TSPAN13: variants seen among roughly 807,000 people sequenced by gnomAD.
The protein encoded by TSPAN13 is tetraspanin-13.
TSPAN13 carries 18 observed loss-of-function variants against 26.9 expected under a neutral mutation model. The ratio of observed to expected loss-of-function variants is 0.67; its 90% CI spans 0.46 to 0.99. The LOEUF (loss-of-function observed/expected upper bound fraction) is 0.99, where lower values mean the gene tolerates loss of function less well. Ranked by LOEUF, TSPAN13 falls within the 50% of genes least tolerant of loss-of-function variation. The probability of loss-of-function intolerance (pLI) is 0.00; values close to 1 mark genes in which losing one functional copy is unlikely to be tolerated. For synonymous variants in TSPAN13, 116 were observed against 98.4 expected, an observed-to-expected ratio of 1.18 and a Z score of -1.06; for missense variants, 201 against 249.6, an observed-to-expected ratio of 0.81 and a Z score of 1.31.
At chr7:16,782,459 ATT>A (rs1001166761) in intron 5 of TSPAN13, among the ~76,000 whole-genome samples, 4 of 152,214 alleles carry the variant, frequency 2.6e-5, no homozygotes, top group Non-Finnish European at 4.4e-5. Context: ...TTTAAAACTC[ATT>A]TTATTCTATT....
chr7:16,783,586 A>T lies in TSPAN13; in HGVS notation c.*95A>T. 2 of 1,140,874 alleles carry T rather than the reference A, an allele frequency of 1.8e-6. No homozygotes were observed. Among genetic ancestry groups the T allele is most frequent in the Non-Finnish European group, 2.6e-6 (2 of 757,642 alleles). The allele number at this position is 1,140,874 out of a possible 1,614,324, so 70.7% of individuals were successfully genotyped here. ...CATTTGCCAGTTTAAGGAAGGAAAC[A>T]CTATCTGGAAAAGTACCTTATTGAT... On this transcript the variant is annotated 3_prime_UTR_variant, in exon 6 of 6. Coordinates refer to ENST00000262067, the MANE Select transcript of TSPAN13 (RefSeq NM_014399.4).
At chr7:16,761,050 G>T (rs935591310) in intron 1 of TSPAN13, among the ~76,000 whole-genome samples, 3 of 152,114 alleles carry the variant, frequency 2.0e-5, no homozygotes, top group African/African-American at 2.4e-5. Context: ...GGTAGAGTGG[G>T]GTTGGAACTT....
At chr7:16,759,143 G>A (rs1266443625) in intron 1 of TSPAN13, among the ~76,000 whole-genome samples, 1 of 152,184 alleles carries the variant, frequency 6.6e-6, no homozygotes, top group Non-Finnish European at 1.5e-5. Flanking sequence ...TGGGTACACA[G>A]CTTCACATAT....
chr7:16,758,701 G>C (rs1159666015), intron 1 of TSPAN13, among the ~76,000 whole-genome samples: 1 of 151,848 alleles, frequency 6.6e-6, no homozygotes, highest in South Asian at 2.1e-4. Context: ...ATATTAAGTA[G>C]GAATTACTTT....
Position 16,776,384 on chromosome 7 carries a change from C to G in TSPAN13, c.231+6C>G. ...ATCAGGTGTTGCTATTTTTTGTATCCTTTTTAAAAATCAAGATTTTACTCT... is the reference window on the plus strand; with the variant it reads ...ATCAGGTGTTGCTATTTTTTGTATCGTTTTTAAAAATCAAGATTTTACTCT... On this transcript the variant is annotated splice_donor_region_variant and intron_variant, in intron 2 of 5. Coordinates refer to ENST00000262067, the MANE Select transcript of TSPAN13 (RefSeq NM_014399.4). 1 of 1,604,718 alleles carries G rather than the reference C, an allele frequency of 6.2e-7. No homozygotes were observed. Among genetic ancestry groups the G allele is most frequent in the Non-Finnish European group, 8.5e-7 (1 of 1,175,030 alleles).
chr7:16,773,242 C>T (rs1357870284), intron 1 of TSPAN13, among the ~76,000 whole-genome samples: 1 of 150,678 alleles, frequency 6.6e-6, no homozygotes. Flanking sequence ...ACTTCTAGAG[C>T]AGGGGTCCGA....
At position 16,783,171 on chromosome 7, in the gene TSPAN13, C is replaced by T. The variant is rs1427166848; in HGVS notation, c.541-246C>T. On this transcript the variant is annotated intron_variant, in intron 5 of 5. Transcript: ENST00000262067. ...TGTGTAAGGTAACATATTTGCAGGTCGTAGGGGTTAGGACATGGACATCCT... is the reference window on the plus strand; with the variant it reads ...TGTGTAAGGTAACATATTTGCAGGTTGTAGGGGTTAGGACATGGACATCCT... Among the ~76,000 whole-genome samples, 8 of 152,174 alleles carry T rather than the reference C, an allele frequency of 5.3e-5. No homozygotes were observed. In the East Asian group the frequency reaches 1.2e-3, roughly 22 times the overall value.
chr7:16,753,870 G>C lies in TSPAN13; in HGVS notation c.-98G>C. ...CCACCCACGTCTGCGTTGCTGCCCC[G>C]CCTGGGCCAGGCCCCAAAGGCAAGG... is the stretch of plus-strand genomic sequence containing the variant. On this transcript the variant is annotated 5_prime_UTR_variant, in exon 1 of 6. Transcript: ENST00000262067. 2 of 1,315,988 alleles carry C rather than the reference G, an allele frequency of 1.5e-6. No individual in the cohort carries two copies. Among genetic ancestry groups the C allele is most frequent in the Non-Finnish European group, 1.1e-6 (1 of 934,628 alleles). The allele number at this position is 1,315,988 out of a possible 1,614,324, so 81.5% of individuals were successfully genotyped here.
intron 1 of TSPAN13, among the ~76,000 whole-genome samples, chr7:16,754,571 A>G (rs924077025): frequency 2.6e-5 from 4 of 152,132 alleles, no homozygotes; most frequent in Non-Finnish European, 5.9e-5. Flanking sequence ...CTGCTTCCGA[A>G]GTTTGTTTCG....
intron 5 of TSPAN13, among the ~76,000 whole-genome samples, chr7:16,780,060 C>T (rs1282192092): frequency 2.0e-5 from 3 of 151,634 alleles, no homozygotes; most frequent in African/African-American, 2.4e-5. Flanking sequence ...CATGAGCCAC[C>T]GTGCCTGGCC....
chr7:16,774,731 A>G (rs902898553), intron 1 of TSPAN13, among the ~76,000 whole-genome samples: 14 of 152,202 alleles, frequency 9.2e-5, no homozygotes, highest in African/African-American at 2.7e-4. Flanking sequence ...CTCTGAAAAG[A>G]AAAGCTTGCT....
chr7:16,782,577 A>C (rs1454943083), intron 5 of TSPAN13, among the ~76,000 whole-genome samples: 2 of 152,232 alleles, frequency 1.3e-5, no homozygotes, highest in African/African-American at 4.8e-5. Flanking sequence ...TTAAAAAACT[A>C]TACTGGCTAA....
At chr7:16,778,979 G>GT (rs759142638) in intron 4 of TSPAN13, 24 bp from the exon 5 acceptor site, 26 of 1,526,556 alleles carry the variant, frequency 1.7e-5, no homozygotes, top group South Asian at 9.6e-5. Flanking sequence ...TGAAATAAAG[G>GT]TTTTTTTACT....
At position 16,777,840 on chromosome 7, in the gene TSPAN13, C is replaced by T; in HGVS notation, c.355C>T (p.Arg119Ter). Residue 119 changes from arginine (R) to a stop codon, truncating the protein, a stop_gained, in exon 4 of 6, where the codon CGA becomes TGA. Transcript: ENST00000262067. LOFTEE classifies it high-confidence loss of function. ...TGGTTGGAACAATACGGCAAGTGCTCGAAATGACATCCAGAGAAATCTAAA... is the reference window on the plus strand; with the variant it reads ...TGGTTGGAACAATACGGCAAGTGCTTGAAATGACATCCAGAGAAATCTAAA... ...EVGWNNTASA[R>*]NDIQRNLNCC... 2.5e-6 allele frequency: 4 copies of T among 1,613,800 alleles called. No homozygotes were observed. Among genetic ancestry groups the T allele is most frequent in the Non-Finnish European group, 3.4e-6 (4 of 1,179,850 alleles).
chr7:16,766,992 C>A (rs1356892504), intron 1 of TSPAN13, among the ~76,000 whole-genome samples: 1 of 152,088 alleles, frequency 6.6e-6, no homozygotes, highest in Non-Finnish European at 1.5e-5. Context: ...AGTGCAGTGG[C>A]TATTCCCAAG....
At chr7:16,767,794 T>C (rs1472203270) in intron 1 of TSPAN13, among the ~76,000 whole-genome samples, 1 of 152,254 alleles carries the variant, frequency 6.6e-6, no homozygotes, top group Non-Finnish European at 1.5e-5. Flanking sequence ...TTAACATTTT[T>C]CATGTGTTGA....
chr7:16,762,642 T>C (rs1784556915), intron 1 of TSPAN13, among the ~76,000 whole-genome samples: 8 of 152,112 alleles, frequency 5.3e-5, no homozygotes, highest in Admixed American at 5.2e-4. Flanking sequence ...CTGCTTAAAA[T>C]GGTAAGTTTT....
chr7:16,761,041 G>T (rs888925614), intron 1 of TSPAN13, among the ~76,000 whole-genome samples: 1 of 152,168 alleles, frequency 6.6e-6, no homozygotes, highest in Non-Finnish European at 1.5e-5. Context: ...GAAGGAAGTG[G>T]TAGAGTGGGG....
Position 16,776,269 on chromosome 7 carries a change from C to T in TSPAN13, c.122C>T (p.Ser41Phe), listed in dbSNP as rs780995271. The change falls in exon 2 of 6, where the codon TCC (serine) becomes TTC (phenylalanine). Residue 41 changes from serine to phenylalanine, a missense_variant. By Grantham distance (155) the Ser-to-Phe change is radical (BLOSUM62 -2). Transcript: ENST00000262067. ...TGGGGCATTGGCTTCGGGCTGATTT[C>T]CAGTCTCCGAGTGGTCGGCGTGGTC... ...AAWGIGFGLI[S>F]SLRVVGVVIA... The T allele has an allele frequency of 6.2e-7, 1 of 1,614,106 alleles. No individual in the cohort carries two copies. Among genetic ancestry groups the T allele is most frequent in the Admixed American group, 1.7e-5 (1 of 60,014 alleles).
Sources: gnomAD v4.1 joint callset for allele counts (sites outside exome capture counted in the v4.1 genomes callset) on GRCh38, gnomAD v4.1.1 for gene constraint, MANE v1.5 for transcripts, NCBI Gene and HGNC (gene_info 2026-07-23, HGNC 2026-07-21) for gene names.